Variants in PITPNA observed in about 807,000 individuals in gnomAD.
PITPNA encodes phosphatidylinositol transfer protein alpha isoform.
PITPNA carries 13 observed loss-of-function variants against 50.3 expected under a neutral mutation model. That is an observed-to-expected ratio of 0.26 (90% CI 0.17 to 0.41). The LOEUF is 0.41. PITPNA is among the 10% of genes least tolerant of loss of function. The probability of loss-of-function intolerance (pLI) is 1.00; values close to 1 mark genes in which losing one functional copy is unlikely to be tolerated. For synonymous variants in PITPNA, 120 were observed against 119.6 expected (o/e 1.00, Z -0.02); for missense variants, 207 against 333.4 (o/e 0.62, Z 2.95).
Position 1,537,833 on chromosome 17 carries a change from CTG to C in PITPNA, c.456+1034_456+1035del, listed in dbSNP as rs1486904562. Among the ~76,000 whole-genome samples the C allele has an allele frequency of 3.9e-5, 6 of 152,196 alleles. 1 individual carries two copies. The East Asian group carries it at 1.2e-3, about 29-fold the overall frequency. On this transcript the variant is annotated intron_variant, in intron 7 of 11. Transcript: ENST00000313486. ...TGTGTGTGTGTGAGATGGAGTCTCG[CTG>C]TGTCGCCCAGGCTGGAGTGCGATGG...
At chr17:1,548,705 C>T (rs142999370) in intron 3 of PITPNA, among the ~76,000 whole-genome samples, 1 of 152,224 alleles carries the variant, frequency 6.6e-6, no homozygotes, top group Non-Finnish European at 1.5e-5. Flanking sequence ...GGGCATTATA[C>T]TACAAGGTGC....
intron 4 of PITPNA, among the ~76,000 whole-genome samples, chr17:1,548,079 C>T (rs2075687274): frequency 6.6e-6 from 1 of 152,180 alleles, no homozygotes; most frequent in Admixed American, 6.5e-5. Context: ...TCGCAGCATC[C>T]CCAAGTGAGA....
intron 3 of PITPNA, among the ~76,000 whole-genome samples, chr17:1,551,362 G>A (rs2075708427): frequency 6.6e-6 from 1 of 151,744 alleles, no homozygotes; most frequent in South Asian, 2.1e-4. Context: ...CGTGACCATG[G>A]CTTACTGCAG....
intron 3 of PITPNA, 25 bp from the exon 4 acceptor site, chr17:1,548,412 T>A: frequency 6.7e-7 from 1 of 1,490,560 alleles, no homozygotes; most frequent in Non-Finnish European, 9.2e-7. Context: ...AAAAGGGGTA[T>A]AAAGAGAAAT....
intron 4 of PITPNA, among the ~76,000 whole-genome samples, chr17:1,547,303 C>T (rs2075680179): frequency 6.6e-6 from 1 of 151,890 alleles, no homozygotes; most frequent in Non-Finnish European, 1.5e-5. Context: ...GAGGTTAAGG[C>T]TGCAGTGAGC....
intron 3 of PITPNA, among the ~76,000 whole-genome samples, chr17:1,548,591 C>A (rs2075691211): frequency 6.6e-6 from 1 of 152,118 alleles, no homozygotes; most frequent in African/African-American, 2.4e-5. Context: ...ACGTGCCCCA[C>A]CAGCCACCAG....
chr17:1,537,571 G>C (rs983995429), intron 7 of PITPNA, among the ~76,000 whole-genome samples: 1 of 152,178 alleles, frequency 6.6e-6, no homozygotes, highest in Admixed American at 6.5e-5. Flanking sequence ...CACTCACACA[G>C]ATCAACCAGA....
Position 1,518,472 on chromosome 17 carries a change from C to T in PITPNA, c.*2089G>A, listed in dbSNP as rs1567572009. 6.6e-6 allele frequency: 1 copy of T among 152,658 alleles called. No individual in the cohort carries two copies. The highest frequency in any genetic ancestry group is 1.5e-5 in the Non-Finnish European group (1 of 68,054). 9.5% of individuals were successfully genotyped at this position (152,658 alleles called of 1,614,324 possible). A position where few individuals can be genotyped will look rare whatever the true frequency, so the allele number is the denominator to read the frequency against. On this transcript the variant is annotated 3_prime_UTR_variant, in exon 12 of 12. Transcript: ENST00000313486. Reference sequence around the variant, plus strand: ...CAACACTGTTGCCCAGCAGCAACACCATCCGTGGGGATGGAACAGACCAGG... The same window carrying T: ...CAACACTGTTGCCCAGCAGCAACACTATCCGTGGGGATGGAACAGACCAGG...
intron 4 of PITPNA, among the ~76,000 whole-genome samples, chr17:1,547,211 A>G (rs2151010922): frequency 6.6e-6 from 1 of 151,352 alleles, no homozygotes; most frequent in African/African-American, 2.4e-5. Flanking sequence ...AAAAAAAAAA[A>G]AAAACCTAGC....
intron 6 of PITPNA, 118 bp downstream of exon 6, chr17:1,541,448 A>G (rs938514049): frequency 6.7e-6 from 5 of 750,540 alleles, no homozygotes; most frequent in Non-Finnish European, 1.2e-5. Context: ...GGCAGAGGCC[A>G]CTGCCTTCCC....
chr17:1,545,723 A>G (rs1339594198), intron 4 of PITPNA, among the ~76,000 whole-genome samples: 1 of 152,128 alleles, frequency 6.6e-6, no homozygotes, highest in Non-Finnish European at 1.5e-5. Context: ...TGCCCATGTC[A>G]GCCGCAACAC....
At chr17:1,543,831 T>C (rs1238261886) in intron 4 of PITPNA, among the ~76,000 whole-genome samples, 1 of 152,096 alleles carries the variant, frequency 6.6e-6, no homozygotes, top group Admixed American at 6.5e-5. Flanking sequence ...CGAAAGACAC[T>C]TAGAAGGAAG....
chr17:1,536,105 T>A (rs1199846201), intron 7 of PITPNA, among the ~76,000 whole-genome samples: 1 of 152,136 alleles, frequency 6.6e-6, no homozygotes, highest in Non-Finnish European at 1.5e-5. Context: ...CTTCACAGAT[T>A]TATAATGCAG....
intron 10 of PITPNA, among the ~76,000 whole-genome samples, chr17:1,532,092 T>C (rs902881132): frequency 2.6e-5 from 4 of 151,054 alleles, no homozygotes; most frequent in Admixed American, 6.6e-5. Flanking sequence ...TCTTTTCTTT[T>C]TCTTTTTTTC....
chr17:1,561,501 C>A (rs985566204), intron 1 of PITPNA, among the ~76,000 whole-genome samples: 2 of 152,084 alleles, frequency 1.3e-5, no homozygotes, highest in Non-Finnish European at 2.9e-5. Context: ...TGGTCTCCCC[C>A]ATCTCCAACG....
intron 3 of PITPNA, among the ~76,000 whole-genome samples, chr17:1,549,195 C>T (rs1038145499): frequency 4.6e-5 from 7 of 151,902 alleles, no homozygotes; most frequent in Admixed American, 1.3e-4. Flanking sequence ...CATGAGCCAC[C>T]GCGCCCGGTC....
intron 10 of PITPNA, among the ~76,000 whole-genome samples, chr17:1,528,204 G>C (rs1459827961): frequency 6.6e-6 from 1 of 152,154 alleles, no homozygotes; most frequent in Non-Finnish European, 1.5e-5. Flanking sequence ...GCAGCAGCAT[G>C]ATCTCGGCTC....
chr17:1,521,597 G>A lies in PITPNA; in HGVS notation c.*4C>T, dbSNP rs749403871. 4 of 1,612,158 alleles carry A rather than the reference G, an allele frequency of 2.5e-6. No individual in the cohort carries two copies. The highest frequency in any genetic ancestry group is 1.7e-5 in the Admixed American group (1 of 60,000). ...TACGTACAGTGCAGAGGGGAAAGGC[G>A]GCTTTAGTCATCTGCTGTCATTCCT... On this transcript the variant is annotated 3_prime_UTR_variant, in exon 11 of 12. Transcript: ENST00000313486.
intron 10 of PITPNA, among the ~76,000 whole-genome samples, chr17:1,532,244 C>T (rs1297139253): frequency 2.0e-5 from 3 of 152,064 alleles, no homozygotes; most frequent in Admixed American, 6.6e-5. Context: ...TCCGCCACCA[C>T]GCCTGGCTAA....
Sources: allele counts gnomAD v4.1 joint callset (sites outside exome capture counted in the v4.1 genomes callset), GRCh38; gene constraint gnomAD v4.1.1; transcripts MANE v1.5; gene names NCBI Gene and HGNC (gene_info 2026-07-23, HGNC 2026-07-21).